PTPN3: variants seen among roughly 807,000 people sequenced by gnomAD.
PTPN3 encodes protein tyrosine phosphatase non-receptor type 3, also known as tyrosine-protein phosphatase non-receptor type 3.
Under a neutral mutation model 132.7 loss-of-function variants are expected in PTPN3, and 96 were observed. That is an observed-to-expected ratio of 0.72 (90% confidence interval 0.61 to 0.86). PTPN3 has a LOEUF of 0.86. Ranked by LOEUF, PTPN3 falls within the 40% of genes least tolerant of loss-of-function variation. PTPN3 has a pLI of 0.00. For synonymous variants in PTPN3, 398 were observed against 429.0 expected, an observed-to-expected ratio of 0.93 and a Z score of 0.89; for missense variants, 1,125 against 1,159.6, an observed-to-expected ratio of 0.97 and a Z score of 0.43.
intron 5 of PTPN3, among the ~76,000 whole-genome samples, chr9:109,453,108 A>C (rs1417094467): frequency 6.6e-6 from 1 of 152,228 alleles, no homozygotes; most frequent in Non-Finnish European, 1.5e-5. Flanking sequence ...ATTGGCTTAA[A>C]AAGTAATAAA....
At position 109,410,362 on chromosome 9, in the gene PTPN3, C is replaced by A; in HGVS notation, c.1367G>T (p.Ser456Ile). ...AGCATTTGAAGATGGAGACACAGAA[C>A]TGGATGACTTCTGGGTCAGGTAGCT... ...AQSYLTQKSS[S>I]SVSPSSNAPG... The change falls in exon 15 of 26, where the codon AGT becomes ATT. Residue 456 changes from serine to isoleucine, a missense_variant. Physicochemically the swap from Ser to Ile is moderately radical, Grantham distance 142. Coordinates refer to ENST00000374541, the MANE Select transcript of PTPN3 (RefSeq NM_002829.4). 16 of 1,614,214 alleles carry A rather than the reference C, an allele frequency of 9.9e-6. No individual in the cohort carries two copies. The highest frequency in any genetic ancestry group is 1.4e-5 in the Non-Finnish European group (16 of 1,180,026).
At chr9:109,447,613 G>A (rs1844948678) in intron 6 of PTPN3, among the ~76,000 whole-genome samples, 1 of 152,096 alleles carries the variant, frequency 6.6e-6, no homozygotes, top group Admixed American at 6.5e-5. Flanking sequence ...TTTCCTCAAG[G>A]TGTCTCTTGC....
At chr9:109,493,695 C>T (rs1217081960) in intron 1 of PTPN3, among the ~76,000 whole-genome samples, 4 of 152,332 alleles carry the variant, frequency 2.6e-5, no homozygotes, top group African/African-American at 9.6e-5. Context: ...TCAGAAAACG[C>T]AGTCAGCACA....
At chr9:109,465,773 G>A (rs1331148020) in intron 1 of PTPN3, among the ~76,000 whole-genome samples, 1 of 151,066 alleles carries the variant, frequency 6.6e-6, no homozygotes, top group African/African-American at 2.4e-5. Flanking sequence ...CTCAGGGAAC[G>A]GTGAAGATAT....
At chr9:109,530,375 C>T in the PTPN3 span, among the ~76,000 whole-genome samples, 1 of 152,184 alleles carries the variant, frequency 6.6e-6, no homozygotes, top group Non-Finnish European at 1.5e-5. Flanking sequence ...CAAGGTTCAT[C>T]CATGTTGAAG....
upstream of PTPN3, among the ~76,000 whole-genome samples, chr9:109,499,478 A>C (rs1404671747): frequency 2.0e-5 from 3 of 152,106 alleles, no homozygotes. Context: ...TTTTCCTCCG[A>C]TTTGTTTAAT....
intron 20 of PTPN3, 38 bp downstream of exon 20, chr9:109,391,433 G>A: frequency 6.4e-7 from 1 of 1,555,684 alleles, no homozygotes; most frequent in Non-Finnish European, 8.9e-7. Context: ...CATTATCTCA[G>A]TGTAGGGGGG....
chr9:109,379,540 C>G lies in PTPN3; in HGVS notation c.*16G>C, dbSNP rs763812168. The G allele has an allele frequency of 6.2e-7, 1 of 1,608,128 alleles. No homozygotes were observed. On this transcript the variant is annotated 3_prime_UTR_variant, in exon 26 of 26. Transcript: ENST00000374541. ...GATGCCCTTGGGAAAGAGGAATGAA[C>G]TTTTTCACAGTTGTCTTAACTAGGA...
chr9:109,433,243 TATAA>T (rs1843787205), intron 9 of PTPN3, 82 bp from the exon 10 acceptor site: 1 of 1,566,492 alleles, frequency 6.4e-7, no homozygotes, highest in African/African-American at 1.4e-5. Flanking sequence ...CCCACGCTGT[TATAA>T]ATAGTCATAT....
At chr9:109,407,923 G>A (rs1382375046) in intron 17 of PTPN3, among the ~76,000 whole-genome samples, 1 of 152,186 alleles carries the variant, frequency 6.6e-6, no homozygotes, top group Non-Finnish European at 1.5e-5. Context: ...ATGACAAAAG[G>A]GGCACTGGTG....
intron 6 of PTPN3, among the ~76,000 whole-genome samples, chr9:109,447,807 A>G (rs1464139720): frequency 2.0e-5 from 3 of 152,096 alleles, no homozygotes; most frequent in African/African-American, 7.2e-5. Context: ...GGCTCTTGCC[A>G]CATCCTTCCT....
chr9:109,528,715 TA>T, the PTPN3 span, among the ~76,000 whole-genome samples: 1 of 36,250 alleles, frequency 2.8e-5, no homozygotes, highest in Non-Finnish European at 4.7e-5. Flanking sequence ...TATATATGTA[TA>T]TATATATGTT....
At chr9:109,415,974 CA>C (rs988047378) in intron 14 of PTPN3, among the ~76,000 whole-genome samples, 1 of 152,136 alleles carries the variant, frequency 6.6e-6, no homozygotes, top group Non-Finnish European at 1.5e-5. Context: ...ACACTCTGAA[CA>C]AAACCCTGTC....
At chr9:109,415,100 ATC>A (rs1186434643) in intron 14 of PTPN3, among the ~76,000 whole-genome samples, 1 of 151,686 alleles carries the variant, frequency 6.6e-6, no homozygotes, top group Non-Finnish European at 1.5e-5. Context: ...CCATCCATCC[ATC>A]CATCCATCCA....
chr9:109,506,228 C>T, the PTPN3 span, among the ~76,000 whole-genome samples: 1 of 152,190 alleles, frequency 6.6e-6, no homozygotes, highest in Non-Finnish European at 1.5e-5. Context: ...CAGAAGCAAG[C>T]TAACCATGTG....
At chr9:109,446,540 G>A (rs1164523722) in intron 6 of PTPN3, among the ~76,000 whole-genome samples, 1 of 152,184 alleles carries the variant, frequency 6.6e-6, no homozygotes, top group Non-Finnish European at 1.5e-5. Context: ...TAGAGAGCTC[G>A]TGGGGAGGAT....
intron 1 of PTPN3, among the ~76,000 whole-genome samples, chr9:109,469,145 C>T (rs1846245310): frequency 6.6e-6 from 1 of 152,184 alleles, no homozygotes; most frequent in South Asian, 2.1e-4. Context: ...TACTAGGGCT[C>T]CTCCCTGGCT....
Position 109,379,384 on chromosome 9 carries a change from C to G in PTPN3, c.*172G>C. ...GCCATAATTGCATGCTTATCTACAC[C>G]AGTTCCTATGTACACGATATCTTTT... On this transcript the variant is annotated 3_prime_UTR_variant, in exon 26 of 26. Transcript: ENST00000374541. 2 of 607,084 alleles carry G rather than the reference C, an allele frequency of 3.3e-6. No individual in the cohort carries two copies. Among genetic ancestry groups the G allele is most frequent in the African/African-American group, 3.7e-5 (2 of 54,002 alleles). The allele number at this position is 607,084 out of a possible 1,614,324, so 37.6% of individuals were successfully genotyped here.
At chr9:109,442,425 A>G (rs1388207395) in intron 7 of PTPN3, among the ~76,000 whole-genome samples, 24 of 152,202 alleles carry the variant, frequency 1.6e-4, no homozygotes, top group Non-Finnish European at 1.5e-5. Flanking sequence ...GCTTATACTT[A>G]AAACTGCTTG....
Sources: gnomAD v4.1 joint callset for allele counts (sites outside exome capture counted in the v4.1 genomes callset) on GRCh38, gnomAD v4.1.1 for gene constraint, MANE v1.5 for transcripts, NCBI Gene and HGNC (gene_info 2026-07-23, HGNC 2026-07-21) for gene names.